Variants in SORCS3 observed in about 807,000 individuals in gnomAD.
SORCS3 encodes VPS10 domain-containing receptor SorCS3.
In SORCS3, 57 loss-of-function variants were observed where a neutral mutation model predicts 146.3. The observed-to-expected ratio is 0.39, with a 90% CI of 0.31 to 0.49. SORCS3 has a LOEUF of 0.49. SORCS3 is among the 20% of genes least tolerant of loss of function. The pLI is 0.92. For synonymous variants in SORCS3, 653 were observed against 618.5 expected (o/e 1.06, Z -0.83); for missense variants, 1,341 against 1,575.5 (o/e 0.85, Z 2.52).
chr10:104,915,795 A>G, intron 2 of SORCS3, 38 bp from the exon 3 acceptor site: 2 of 1,582,546 alleles, frequency 1.3e-6, no homozygotes, highest in Non-Finnish European at 1.7e-6. Context: ...CCATTGGTAA[A>G]ATGATCTCTC....
In SORCS3 at chr10:105,214,425, T is replaced by C. The variant is rs2056652924; in HGVS notation, c.2376-17T>C. The C allele has an allele frequency of 1.9e-6, 3 of 1,613,614 alleles. No individual in the cohort carries two copies. The highest frequency in any genetic ancestry group is 2.7e-5 in the African/African-American group (2 of 74,990). On this transcript the variant is annotated splice_polypyrimidine_tract_variant and intron_variant, in intron 17 of 26. Transcript: ENST00000369701. ...CACAATCAACACAAACCACTATCAATTGTCAATTCTACTTAGGTATCGGCG... is the reference window on the plus strand; with the variant it reads ...CACAATCAACACAAACCACTATCAACTGTCAATTCTACTTAGGTATCGGCG...
At chr10:105,047,138 ATT>A (rs148094186) in intron 5 of SORCS3, among the ~76,000 whole-genome samples, 2 of 150,152 alleles carry the variant, frequency 1.3e-5, no homozygotes, top group Non-Finnish European at 3.0e-5. Context: ...CAGTGGGAAG[ATT>A]TTTTTTTTCC....
At chr10:104,890,436 A>T (rs966138624) in intron 2 of SORCS3, among the ~76,000 whole-genome samples, 2 of 151,842 alleles carry the variant, frequency 1.3e-5, no homozygotes, top group Non-Finnish European at 2.9e-5. Context: ...CTGTGTTTTC[A>T]ATTTCATTTA....
At position 105,049,865 on chromosome 10, in the gene SORCS3, A is replaced by G. The variant is rs146475413; in HGVS notation, c.1028+6737A>G. On this transcript the variant is annotated intron_variant, in intron 5 of 26. Coordinates refer to ENST00000369701, the MANE Select transcript of SORCS3 (RefSeq NM_014978.3). ...TAACTACCTATTGGGTACTATGCTT[A>G]CTACCTGGGTTACAGGTTCAGTCGT... Among the ~76,000 whole-genome samples, 4 of 152,254 alleles carry G rather than the reference A, an allele frequency of 2.6e-5. No individual in the cohort carries two copies. The East Asian group carries it at 7.7e-4, about 29-fold the overall frequency.
intron 5 of SORCS3, among the ~76,000 whole-genome samples, chr10:105,059,250 AG>A (rs1306378109): frequency 6.6e-6 from 1 of 152,228 alleles, no homozygotes; most frequent in Non-Finnish European, 1.5e-5. Flanking sequence ...CACAGTGGAA[AG>A]GGTTGTTCCA....
At chr10:104,741,293 A>G (rs998446710) in intron 1 of SORCS3, among the ~76,000 whole-genome samples, 1 of 151,940 alleles carries the variant, frequency 6.6e-6, no homozygotes, top group East Asian at 1.9e-4. Flanking sequence ...TTTAATCACC[A>G]GAAGGCAATG....
At chr10:104,899,496 T>C (rs1175143698) in intron 2 of SORCS3, among the ~76,000 whole-genome samples, 1 of 152,202 alleles carries the variant, frequency 6.6e-6, no homozygotes, top group African/African-American at 2.4e-5. Context: ...CAGTGCTTCA[T>C]ATGCAAACAG....
At chr10:104,962,134 A>G (rs917427497) in intron 3 of SORCS3, among the ~76,000 whole-genome samples, 2 of 152,152 alleles carry the variant, frequency 1.3e-5, no homozygotes, top group Non-Finnish European at 2.9e-5. Flanking sequence ...CAGCTGGAGC[A>G]CTCAGGAGGC....
At chr10:104,724,651 A>G (rs2133448293) in intron 1 of SORCS3, among the ~76,000 whole-genome samples, 1 of 152,128 alleles carries the variant, frequency 6.6e-6, no homozygotes, top group Non-Finnish European at 1.5e-5. Flanking sequence ...ATAGTCCCAT[A>G]TTTCTTGGAG....
rs534275407 is a variant in SORCS3, at chr10:104,904,844, A to T, written c.696-10989A>T. Among the ~76,000 whole-genome samples the T allele has an allele frequency of 8.9e-5, 13 of 146,202 alleles. No individual in the cohort carries two copies. The South Asian group carries it at 9.1e-4, about 10-fold the overall frequency. ...CATAAATTTTCAGTATTTTTTTTTT[A>T]AAAGACTCTAGGGTGTGACATTCCT... On this transcript the variant is annotated intron_variant, in intron 2 of 26. Coordinates refer to ENST00000369701, the MANE Select transcript of SORCS3 (RefSeq NM_014978.3).
chr10:104,868,438 A>G (rs2018483149), intron 2 of SORCS3, among the ~76,000 whole-genome samples: 1 of 152,048 alleles, frequency 6.6e-6, no homozygotes, highest in Non-Finnish European at 1.5e-5. Flanking sequence ...TCATGGGACT[A>G]CTCGCCTGCC....
intron 2 of SORCS3, among the ~76,000 whole-genome samples, chr10:104,881,860 A>G (rs532460989): frequency 6.6e-6 from 1 of 152,310 alleles, no homozygotes; most frequent in Non-Finnish European, 1.5e-5. Context: ...CTCTGGGCTC[A>G]GTTTTTCACA....
chr10:105,157,275 C>T lies in SORCS3; in HGVS notation c.1620C>T (p.His540=), dbSNP rs750858126. Residue 540 remains histidine (H), a synonymous_variant, in exon 10 of 27, where the codon CAC becomes CAT. Transcript: ENST00000369701. The part of the protein sequence containing the change: ...PDVDLRGSPV[H]CLLPFCSLHL... ...TGGACCTGAGAGGAAGCCCAGTGCA[C>T]TGCCTGCTGGTCAGTCACTCAGCCT... 6.2e-7 allele frequency: 1 copy of T among 1,614,004 alleles called. No homozygotes were observed. The highest frequency in any genetic ancestry group is 8.5e-7 in the Non-Finnish European group (1 of 1,179,906).
At chr10:104,785,059 G>T (rs555248334) in intron 1 of SORCS3, among the ~76,000 whole-genome samples, 1,778 of 151,956 alleles carry the variant, frequency 0.012, 30 homozygotes, top group African/African-American at 0.041. Flanking sequence ...GGATGGGGCG[G>T]CTGGCCGGGC....
intron 2 of SORCS3, among the ~76,000 whole-genome samples, chr10:104,860,865 C>G (rs2018393549): frequency 6.6e-6 from 1 of 152,140 alleles, no homozygotes; most frequent in Non-Finnish European, 1.5e-5. Flanking sequence ...GCTTGACCCT[C>G]TGCAAGATAG....
intron 25 of SORCS3, among the ~76,000 whole-genome samples, chr10:105,258,918 C>T (rs537131650): frequency 1.3e-5 from 2 of 152,280 alleles, no homozygotes; most frequent in African/African-American, 4.8e-5. Flanking sequence ...TTTTCTGGCT[C>T]CTTTTCCTGG....
chr10:104,895,734 C>T (rs1408338669), intron 2 of SORCS3, among the ~76,000 whole-genome samples: 4 of 152,214 alleles, frequency 2.6e-5, no homozygotes, highest in African/African-American at 4.8e-5. Flanking sequence ...GTCTCCATGC[C>T]TGTACACGCT....
At chr10:104,660,600 C>T (rs1257799296) in intron 1 of SORCS3, among the ~76,000 whole-genome samples, 2 of 152,112 alleles carry the variant, frequency 1.3e-5, no homozygotes, top group Non-Finnish European at 2.9e-5. Flanking sequence ...TGGTCTAATA[C>T]TGGTCCTTTG....
At chr10:104,810,489 T>C (rs1326770331) in intron 1 of SORCS3, among the ~76,000 whole-genome samples, 2 of 152,352 alleles carry the variant, frequency 1.3e-5, no homozygotes, top group East Asian at 3.9e-4. Context: ...AAGTAAAATG[T>C]AGAAATATAA....
Sources: allele counts gnomAD v4.1 joint callset (sites outside exome capture counted in the v4.1 genomes callset), GRCh38; gene constraint gnomAD v4.1.1; transcripts MANE v1.5; gene names NCBI Gene and HGNC (gene_info 2026-07-23, HGNC 2026-07-21).